Variants in CAMTA1 observed in about 807,000 individuals in gnomAD.
CAMTA1 encodes calmodulin-binding transcription activator 1.
A neutral mutation model predicts 170.9 loss-of-function variants in CAMTA1; 27 were observed. That is an observed-to-expected ratio of 0.16 (90% CI 0.12 to 0.22). The LOEUF is 0.22. CAMTA1 is among the 10% of genes least tolerant of loss of function. The pLI is 1.00. For missense variants in CAMTA1, 1,619 were observed against 2,217.2 expected (o/e 0.73, Z 5.42); for synonymous variants, 833 against 891.5 (o/e 0.93, Z 1.17).
rs566859516 is a variant in CAMTA1, at chr1:7,224,371, G to A, written c.303-25120G>A. On this transcript the variant is annotated intron_variant, in intron 4 of 22. Transcript: ENST00000303635. This position sits in a 1 kb window ranked among gnomAD's most constrained non-coding sequence, Gnocchi z 5.2. ...GCAGGCTCTCGTCCCAGTTGGCAAG[G>A]GCGCCACAGCTGGATGGCTCAGCGT... is the stretch of plus-strand genomic sequence containing the variant. Among the ~76,000 whole-genome samples the A allele has an allele frequency of 5.0e-4, 76 of 152,304 alleles. No homozygotes were observed. Among genetic ancestry groups the A allele is most frequent in the African/African-American group, 1.8e-3 (74 of 41,570 alleles).
intron 3 of CAMTA1, among the ~76,000 whole-genome samples, chr1:7,040,381 G>A (rs1011259107): frequency 2.9e-4 from 44 of 152,156 alleles, no homozygotes; most frequent in Admixed American, 5.2e-4. Context: ...ATGGCTTTAC[G>A]TGACGGACTG....
rs371817435 is a variant in CAMTA1, at chr1:7,381,747, T to A, written c.439-86083T>A. ...ATCGCCACACTGACTTCCACAATGG[T>A]TGAACTAGTTTACAGTCCCACCAAC... On this transcript the variant is annotated intron_variant, in intron 5 of 22. Transcript: ENST00000303635. 6.1e-5 allele frequency among the ~76,000 whole-genome samples: 9 copies of A among 147,614 alleles called. No homozygotes were observed. In the South Asian group the frequency reaches 2.0e-3, roughly 33 times the overall value.
At chr1:6,809,318 C>T (rs972227822) in intron 1 of CAMTA1, among the ~76,000 whole-genome samples, 13 of 152,222 alleles carry the variant, frequency 8.5e-5, no homozygotes, top group Admixed American at 1.3e-4. Flanking sequence ...TGAGCCACCG[C>T]GCCTGGCCGG....
intron 4 of CAMTA1, 65 bp downstream of exon 4, chr1:7,091,436 C>A: frequency 1.6e-6 from 2 of 1,248,446 alleles, no homozygotes; most frequent in Non-Finnish European, 2.4e-6. Context: ...GCATTGATTA[C>A]CTGATTTGGC....
intron 6 of CAMTA1, among the ~76,000 whole-genome samples, chr1:7,597,476 G>C (rs72630505): frequency 0.054 from 8,157 of 152,272 alleles, 303 homozygotes; most frequent in Middle Eastern, 0.095. Context: ...CAACCCCTGA[G>C]TATTCCATAG....
At position 7,003,518 on chromosome 1, in the gene CAMTA1, G is replaced by A. The variant is rs139046842; in HGVS notation, c.235-87786G>A. Among the ~76,000 whole-genome samples the A allele has an allele frequency of 3.3e-4, 51 of 152,306 alleles. 1 individual carries two copies. The highest frequency in any genetic ancestry group is 2.1e-3 in the South Asian group (10 of 4,824). ...GAGAACACGTGGAATTCGACACGTCGGCTTAGGGAGGTGCTGATGGAATCC... is the reference window on the plus strand; with the variant it reads ...GAGAACACGTGGAATTCGACACGTCAGCTTAGGGAGGTGCTGATGGAATCC... On this transcript the variant is annotated intron_variant, in intron 3 of 22. Coordinates refer to ENST00000303635, the MANE Select transcript of CAMTA1 (RefSeq NM_015215.4).
intron 4 of CAMTA1, among the ~76,000 whole-genome samples, chr1:7,129,090 G>A (rs1397546200): frequency 3.3e-5 from 5 of 151,338 alleles, no homozygotes; most frequent in Non-Finnish European, 7.4e-5. Context: ...CACCCACCTC[G>A]GCTTCCCAAA....
At chr1:7,500,977 C>A (rs1219199995) in intron 6 of CAMTA1, among the ~76,000 whole-genome samples, 2 of 152,146 alleles carry the variant, frequency 1.3e-5, no homozygotes, top group Non-Finnish European at 2.9e-5. Context: ...AGAGCCATCC[C>A]CAGGGGACTG....
chr1:7,186,217 A>G (rs1472995046), intron 4 of CAMTA1, among the ~76,000 whole-genome samples: 1 of 152,204 alleles, frequency 6.6e-6, no homozygotes, highest in Non-Finnish European at 1.5e-5. Flanking sequence ...CAAATGAGAT[A>G]AAGACATTTG....
intron 6 of CAMTA1, among the ~76,000 whole-genome samples, chr1:7,543,068 C>T (rs775940741): frequency 1.3e-5 from 2 of 152,070 alleles, no homozygotes; most frequent in Admixed American, 6.6e-5. Context: ...AGGGTTTCAC[C>T]GTGTTAGCCA....
At chr1:6,991,785 C>G (rs188217518) in intron 3 of CAMTA1, among the ~76,000 whole-genome samples, 145 of 151,998 alleles carry the variant, frequency 9.5e-4, no homozygotes, top group Non-Finnish European at 1.1e-3. Flanking sequence ...TGCAGTCTCC[C>G]CTTCCTGGGT....
At chr1:7,264,143 T>C (rs1668563863) in intron 5 of CAMTA1, among the ~76,000 whole-genome samples, 1 of 152,150 alleles carries the variant, frequency 6.6e-6, no homozygotes, top group East Asian at 1.9e-4. Flanking sequence ...CTGCAAAGGA[T>C]GCAGAAAAGC....
intron 1 of CAMTA1, among the ~76,000 whole-genome samples, chr1:6,818,353 CAAAT>C (rs1646077776): frequency 6.6e-6 from 1 of 151,460 alleles, no homozygotes; most frequent in Non-Finnish European, 1.5e-5. Flanking sequence ...AACAAACAAA[CAAAT>C]AACAACAAAT....
chr1:7,650,291 G>A (rs914458298), intron 7 of CAMTA1, among the ~76,000 whole-genome samples: 1 of 152,208 alleles, frequency 6.6e-6, no homozygotes, highest in Non-Finnish European at 1.5e-5. Flanking sequence ...GCCTCAGGAT[G>A]GCTCTAAAGT....
At chr1:7,581,882 C>G (rs1406550483) in intron 6 of CAMTA1, among the ~76,000 whole-genome samples, 1 of 152,186 alleles carries the variant, frequency 6.6e-6, no homozygotes, top group African/African-American at 2.4e-5. Flanking sequence ...TCATCAGTCA[C>G]CAGAGGGCAG....
chr1:7,484,632 A>G (rs2093591932), intron 6 of CAMTA1, among the ~76,000 whole-genome samples: 1 of 152,134 alleles, frequency 6.6e-6, no homozygotes, highest in South Asian at 2.1e-4. Flanking sequence ...TACTAAAAAT[A>G]TAAAAAATTA....
chr1:7,441,279 C>G (rs1016947047), intron 5 of CAMTA1: 1 of 152,266 alleles, frequency 6.6e-6, no homozygotes, highest in Non-Finnish European at 1.5e-5. Flanking sequence ...GGGGCACACA[C>G]CCTTGATGCT....
intron 5 of CAMTA1, among the ~76,000 whole-genome samples, chr1:7,429,919 C>G (rs61772206): frequency 0.3 from 45,151 of 151,808 alleles, 7,224 homozygotes; most frequent in Middle Eastern, 0.39. Flanking sequence ...TTTAAACAAC[C>G]AGATCTAGTA....
At chr1:7,137,480 G>A (rs145949030) in intron 4 of CAMTA1, among the ~76,000 whole-genome samples, 1 of 152,160 alleles carries the variant, frequency 6.6e-6, no homozygotes, top group Non-Finnish European at 1.5e-5. Flanking sequence ...AGGTACCTGT[G>A]CTAACTGGTC....
Sources: gnomAD v4.1 joint callset for allele counts (sites outside exome capture counted in the v4.1 genomes callset) on GRCh38, gnomAD v4.1.1 for gene constraint, Gnocchi (gnomAD v3.1) non-coding constraint, MANE v1.5 for transcripts, NCBI Gene and HGNC (gene_info 2026-07-23, HGNC 2026-07-21) for gene names.